KIAA0825: variants seen among roughly 807,000 people sequenced by gnomAD.
KIAA0825 encodes uncharacterized protein KIAA0825.
Under a neutral mutation model 147.6 loss-of-function variants are expected in KIAA0825, and 119 were observed. The observed-to-expected ratio is 0.81, with a 90% CI of 0.69 to 0.94. The LOEUF is 0.94. Among genes scored for constraint, KIAA0825 ranks in the 40% least tolerant of loss-of-function variants. KIAA0825 has a pLI of 0.00. For synonymous variants in KIAA0825, 470 were observed against 518.1 expected (o/e 0.91, Z 1.26); for missense variants, 1,381 against 1,472.7 (o/e 0.94, Z 1.02).
At chr5:94,367,279 C>T (rs1254702770) in intron 20 of KIAA0825, among the ~76,000 whole-genome samples, 1 of 151,984 alleles carries the variant, frequency 6.6e-6, no homozygotes, top group Non-Finnish European at 1.5e-5. Flanking sequence ...GGTGGATCAC[C>T]CGAGGTGAGG....
intron 20 of KIAA0825, among the ~76,000 whole-genome samples, chr5:94,182,440 A>G (rs1215443285): frequency 5.3e-5 from 8 of 150,242 alleles, no homozygotes; most frequent in Non-Finnish European, 8.9e-5. Context: ...TTGTATTTTT[A>G]GTAGAGATGG....
At chr5:94,238,899 T>C (rs1775205647) in intron 20 of KIAA0825, among the ~76,000 whole-genome samples, 1 of 152,202 alleles carries the variant, frequency 6.6e-6, no homozygotes, top group Admixed American at 6.5e-5. Context: ...TTATCTTCTT[T>C]TAGAATGAAA....
intron 1 of KIAA0825, chr5:94,593,913 T>C: frequency 2.3e-6 from 1 of 425,744 alleles, no homozygotes; most frequent in South Asian, 1.9e-5. Flanking sequence ...GAAGTGGGAA[T>C]ATCCAGAATT....
At chr5:94,452,938 A>G (rs1226223782) in intron 13 of KIAA0825, 21 bp downstream of exon 13, 13 of 1,195,050 alleles carry the variant, frequency 1.1e-5, no homozygotes, top group East Asian at 5.8e-5. Context: ...TATAGATAGT[A>G]TGGCATTTAG....
At chr5:94,237,666 T>C (rs1001925301) in intron 20 of KIAA0825, among the ~76,000 whole-genome samples, 4 of 152,208 alleles carry the variant, frequency 2.6e-5, no homozygotes, top group African/African-American at 9.6e-5. Context: ...CTCCATATCT[T>C]GGACTCTATA....
intron 14 of KIAA0825, among the ~76,000 whole-genome samples, chr5:94,429,420 G>A (rs1208862225): frequency 6.6e-6 from 1 of 151,980 alleles, no homozygotes; most frequent in East Asian, 1.9e-4. Context: ...CCTGTTTCTG[G>A]GGGGTGTGAC....
chr5:94,402,646 G>A (rs972854638), intron 16 of KIAA0825, among the ~76,000 whole-genome samples: 1 of 151,634 alleles, frequency 6.6e-6, no homozygotes, highest in East Asian at 2.0e-4. Context: ...TAGTGAGTGC[G>A]GCTGGAGTAT....
At chr5:94,210,711 C>A (rs894632704) in intron 20 of KIAA0825, among the ~76,000 whole-genome samples, 8 of 152,022 alleles carry the variant, frequency 5.3e-5, no homozygotes, top group African/African-American at 1.9e-4. Context: ...ACAGAAAGAG[C>A]TAGAAGAGCA....
At chr5:94,295,101 G>C (rs966215157) in intron 20 of KIAA0825, among the ~76,000 whole-genome samples, 1 of 151,856 alleles carries the variant, frequency 6.6e-6, no homozygotes, top group African/African-American at 2.4e-5. Context: ...CATATTTCTT[G>C]GAGGCTTTGT....
Position 94,386,398 on chromosome 5 carries a change from A to T in KIAA0825, c.3463T>A (p.Leu1155Ile). Residue 1155 changes from leucine to isoleucine, a missense_variant, in exon 19 of 21, where the codon TTA becomes ATA. By Grantham distance (5) the Leu-to-Ile change is conservative (BLOSUM62 2). Transcript: ENST00000682413. ...YHIMQLNEEY[L>I]KEQLFSMNSS... ...TTCATAGAAAACAGCTGTTCTTTTA[A>T]ATATTCCTTCAAAGAAAAGAAATTA... The T allele has an allele frequency of 6.5e-7, 1 of 1,544,124 alleles. No homozygotes were observed. Among genetic ancestry groups the T allele is most frequent in the Non-Finnish European group, 8.7e-7 (1 of 1,144,834 alleles).
intron 14 of KIAA0825, among the ~76,000 whole-genome samples, chr5:94,432,011 T>C (rs1199976142): frequency 1.3e-5 from 2 of 152,206 alleles, no homozygotes; most frequent in Admixed American, 6.5e-5. Context: ...ACATAATCAG[T>C]TCTGTATGTG....
intron 20 of KIAA0825, among the ~76,000 whole-genome samples, chr5:94,194,133 T>C (rs1213563816): frequency 1.3e-5 from 2 of 152,162 alleles, no homozygotes; most frequent in Admixed American, 6.5e-5. Context: ...ATACTGGTTT[T>C]ATTTTTCCTA....
At chr5:94,352,870 A>T (rs1304671801) in intron 20 of KIAA0825, among the ~76,000 whole-genome samples, 1 of 151,180 alleles carries the variant, frequency 6.6e-6, no homozygotes. Flanking sequence ...GTGGGAGCTA[A>T]GCTATGAGGA....
chr5:94,614,307 CCTTT>C (rs1239205834), intron 1 of KIAA0825, among the ~76,000 whole-genome samples: 1 of 152,122 alleles, frequency 6.6e-6, no homozygotes, highest in Non-Finnish European at 1.5e-5. Flanking sequence ...GGCCACTCTT[CCTTT>C]CTCTTTCCTT....
chr5:94,224,624 C>T (rs186266683), intron 20 of KIAA0825, among the ~76,000 whole-genome samples: 63 of 152,136 alleles, frequency 4.1e-4, no homozygotes, highest in African/African-American at 1.5e-3. Context: ...ATTAAGGATT[C>T]GTTGTATATA....
intron 20 of KIAA0825, among the ~76,000 whole-genome samples, chr5:94,273,741 T>C (rs974037475): frequency 4.6e-5 from 7 of 152,026 alleles, no homozygotes; most frequent in African/African-American, 1.4e-4. Flanking sequence ...AGAATAGTTA[T>C]CTCCTATTTT....
Position 94,520,543 on chromosome 5 carries a change from C to A in KIAA0825, c.675G>T (p.Trp225Cys), listed in dbSNP as rs1255629738. 1 of 1,613,166 alleles carries A rather than the reference C, an allele frequency of 6.2e-7. No individual in the cohort carries two copies. The highest frequency in any genetic ancestry group is 8.5e-7 in the Non-Finnish European group (1 of 1,179,360). ...IQNKLLANLLWNCFPSYNRDS... is the reference protein window; with the variant it reads ...IQNKLLANLLCNCFPSYNRDS... ...CTCTGTTGTAAGAAGGAAAGCAGTT[C>A]CACAGAAGATTAGCCAACAGTTTAT... Residue 225 changes from tryptophan to cysteine, a missense_variant, in exon 5 of 21, where the codon TGG becomes TGT. Transcript: ENST00000682413.
intron 5 of KIAA0825, among the ~76,000 whole-genome samples, chr5:94,493,343 C>T (rs1342593220): frequency 6.6e-6 from 1 of 152,132 alleles, no homozygotes; most frequent in Non-Finnish European, 1.5e-5. Context: ...ATGTGATATA[C>T]TGAAAAATAA....
In KIAA0825 at chr5:94,403,721, T is replaced by C; in HGVS notation, c.2735A>G (p.Asp912Gly). 1.4e-5 allele frequency: 21 copies of C among 1,551,580 alleles called. No homozygotes were observed. The highest frequency in any genetic ancestry group is 1.8e-5 in the Non-Finnish European group (21 of 1,146,904). The change falls in exon 16 of 21, where the codon GAC becomes GGC. Residue 912 changes from aspartate to glycine, a missense_variant. Asp to Gly is a moderately conservative substitution (Grantham distance 94). Coordinates refer to ENST00000682413, the MANE Select transcript of KIAA0825 (RefSeq NM_001145678.3). ...TACAGATACTATCTGCTGTACAGTGTCCTTGATGGCATCGGTCAGTGCCAG... is the reference window on the plus strand; with the variant it reads ...TACAGATACTATCTGCTGTACAGTGCCCTTGATGGCATCGGTCAGTGCCAG... Reference protein sequence around the residue: ...LRLALTDAIKDTVQQIVSVMS... With the variant: ...LRLALTDAIKGTVQQIVSVMS...
Sources: allele counts gnomAD v4.1 joint callset (sites outside exome capture counted in the v4.1 genomes callset), GRCh38; gene constraint gnomAD v4.1.1; transcripts MANE v1.5; gene names NCBI Gene and HGNC (gene_info 2026-07-23, HGNC 2026-07-21).